Variants in PGPEP1L observed in about 807,000 individuals in gnomAD.
PGPEP1L encodes pyroglutamyl-peptidase I like.
Under a neutral mutation model 6.0 loss-of-function variants are expected in PGPEP1L, and 7 were observed. That is an observed-to-expected ratio of 1.17 (90% confidence interval 0.66 to 2.19). The LOEUF (loss-of-function observed/expected upper bound fraction) is 2.19. PGPEP1L is among the 30% of genes most tolerant of loss of function. The probability of loss-of-function intolerance (pLI) is 0.00; values close to 1 mark genes in which losing one functional copy is unlikely to be tolerated. For synonymous variants in PGPEP1L, 103 were observed against 83.9 expected (o/e 1.23, Z -1.24); for missense variants, 209 against 192.5 (o/e 1.09, Z -0.51).
At chr15:98,992,620 A>G (rs1443315498) in intron 2 of PGPEP1L, among the ~76,000 whole-genome samples, 1 of 152,234 alleles carries the variant, frequency 6.6e-6, no homozygotes, top group African/African-American at 2.4e-5. Flanking sequence ...TGCAACCAAA[A>G]AAGAGCCTGC....
intron 2 of PGPEP1L, among the ~76,000 whole-genome samples, chr15:98,985,263 G>T (rs1166830957): frequency 6.6e-6 from 1 of 152,164 alleles, no homozygotes; most frequent in Non-Finnish European, 1.5e-5. Flanking sequence ...CACTGGCTGG[G>T]CACAGTGGCT....
intron 1 of PGPEP1L, among the ~76,000 whole-genome samples, chr15:99,006,862 GGAA>G (rs2018075483): frequency 6.6e-6 from 1 of 152,220 alleles, no homozygotes; most frequent in East Asian, 1.9e-4. Flanking sequence ...TATATTAAGA[GGAA>G]GAAGACCCAT....
intron 2 of PGPEP1L, among the ~76,000 whole-genome samples, chr15:98,980,759 C>T (rs1009898986): frequency 3.9e-5 from 6 of 152,012 alleles, no homozygotes; most frequent in East Asian, 1.9e-4. Context: ...GAGTGAAACC[C>T]CGTCGCTACT....
chr15:99,003,312 G>A (rs1555473282), intron 2 of PGPEP1L, among the ~76,000 whole-genome samples: 1 of 151,190 alleles, frequency 6.6e-6, no homozygotes, highest in African/African-American at 2.4e-5. Flanking sequence ...AATCATATTT[G>A]TATCAGCAAA....
At position 99,002,438 on chromosome 15, in the gene PGPEP1L, G is replaced by A. The variant is rs1415207896; in HGVS notation, c.-142+2991C>T. On this transcript the variant is annotated intron_variant, in intron 2 of 4. Coordinates refer to ENST00000535714, the MANE Select transcript of PGPEP1L (RefSeq NM_001167902.2). Reference sequence around the variant, plus strand: ...AGCTTTGTGGTGATGGTACTGCTAGGTATCTTGATTGTGGTGGTGGTGATA... The same window carrying A: ...AGCTTTGTGGTGATGGTACTGCTAGATATCTTGATTGTGGTGGTGGTGATA... Among the ~76,000 whole-genome samples the A allele has an allele frequency of 3.9e-5, 6 of 152,270 alleles. No homozygotes were observed. The South Asian group carries it at 6.2e-4, about 16-fold the overall frequency.
At chr15:99,001,484 T>C (rs1555473014) in intron 2 of PGPEP1L, among the ~76,000 whole-genome samples, 2 of 152,168 alleles carry the variant, frequency 1.3e-5, no homozygotes, top group Non-Finnish European at 2.9e-5. Context: ...AAATTGACTG[T>C]AGTGATGAAT....
intron 2 of PGPEP1L, among the ~76,000 whole-genome samples, chr15:98,981,497 AAAAAAAAAAC>A (rs1395207634): frequency 1.4e-5 from 2 of 146,844 alleles, no homozygotes; most frequent in South Asian, 2.1e-4. Flanking sequence ...CTCAAAAAAA[AAAAAAAAAAC>A]AAAAACAAAA....
At chr15:98,983,175 G>GAAT (rs386383985) in intron 2 of PGPEP1L, among the ~76,000 whole-genome samples, 4 of 149,298 alleles carry the variant, frequency 2.7e-5, no homozygotes, top group Admixed American at 6.7e-5. Context: ...AAAAAAAGAA[G>GAAT]AATCAAGAGA....
At chr15:98,986,567 C>A (rs149387430) in intron 2 of PGPEP1L, among the ~76,000 whole-genome samples, 118 of 152,322 alleles carry the variant, frequency 7.7e-4, no homozygotes, top group Non-Finnish European at 1.1e-3. Flanking sequence ...ATAGCACATT[C>A]TTGAGTTCTG....
At position 98,969,447 on chromosome 15, in the gene PGPEP1L, T is replaced by A. The variant is rs556119714; in HGVS notation, c.187A>T (p.Ile63Phe). The A allele has an allele frequency of 8.7e-6, 14 of 1,613,956 alleles. No homozygotes were observed. In the East Asian group the frequency reaches 3.1e-4, roughly 36 times the overall value. The change falls in exon 4 of 5, where the codon ATC (isoleucine) becomes TTC (phenylalanine). Residue 63 changes from isoleucine to phenylalanine, a missense_variant. By Grantham distance (21) the Ile-to-Phe change is conservative (BLOSUM62 0). Coordinates refer to ENST00000535714, the MANE Select transcript of PGPEP1L (RefSeq NM_001167902.2). The part of the protein sequence containing the change: ...KRVAVEGVDV[I>F]FSRDAGRYVC... Reference sequence around the variant, plus strand: ...TACCTGCCTGCATCTCGGGAAAAGATCACGTCGACACCCTCCACAGCTACG... The same window carrying A: ...TACCTGCCTGCATCTCGGGAAAAGAACACGTCGACACCCTCCACAGCTACG...
chr15:98,987,821 C>T (rs946673686), intron 2 of PGPEP1L, among the ~76,000 whole-genome samples: 1 of 152,102 alleles, frequency 6.6e-6, no homozygotes, highest in African/African-American at 2.4e-5. Flanking sequence ...ACAGTGGGTG[C>T]AGCCCACAGA....
intron 2 of PGPEP1L, among the ~76,000 whole-genome samples, chr15:98,999,887 G>A (rs1439037184): frequency 6.6e-6 from 1 of 152,256 alleles, no homozygotes; most frequent in Non-Finnish European, 1.5e-5. Context: ...CAGCATGCTG[G>A]CAGTCCTTGC....
At chr15:99,002,198 G>A (rs572996478) in intron 2 of PGPEP1L, among the ~76,000 whole-genome samples, 4 of 151,932 alleles carry the variant, frequency 2.6e-5, no homozygotes, top group African/African-American at 9.6e-5. Context: ...TTTTTGCCAG[G>A]TTTCCCAGGC....
intron 3 of PGPEP1L, among the ~76,000 whole-genome samples, chr15:98,970,688 C>T (rs147507881): frequency 9.2e-5 from 14 of 152,302 alleles, no homozygotes; most frequent in African/African-American, 3.1e-4. Context: ...CCTTGCCTCA[C>T]GTCCACCTTC....
At chr15:98,982,769 G>A (rs2017686141) in intron 2 of PGPEP1L, among the ~76,000 whole-genome samples, 1 of 137,380 alleles carries the variant, frequency 7.3e-6, no homozygotes. Flanking sequence ...GGAGTGCGGG[G>A]GCATGATCTT....
At chr15:98,982,766 G>A (rs942201269) in intron 2 of PGPEP1L, among the ~76,000 whole-genome samples, 14 of 135,120 alleles carry the variant, frequency 1.0e-4, no homozygotes, top group East Asian at 4.4e-4. Flanking sequence ...GCTGGAGTGC[G>A]GGGGCATGAT....
intron 2 of PGPEP1L, among the ~76,000 whole-genome samples, chr15:98,973,478 A>G (rs141004489): frequency 6.6e-6 from 1 of 152,376 alleles, no homozygotes; most frequent in East Asian, 1.9e-4. Flanking sequence ...ACAAGTAACA[A>G]ATTTTGAAAA....
intron 2 of PGPEP1L, among the ~76,000 whole-genome samples, chr15:98,989,250 G>A (rs1265709786): frequency 6.6e-6 from 1 of 152,180 alleles, no homozygotes; most frequent in Non-Finnish European, 1.5e-5. Flanking sequence ...AAGGTTAGAT[G>A]AATTGCTAAC....
chr15:98,999,476 G>A (rs1480949438), intron 2 of PGPEP1L, among the ~76,000 whole-genome samples: 1 of 152,212 alleles, frequency 6.6e-6, no homozygotes, highest in Non-Finnish European at 1.5e-5. Context: ...CTCACACATT[G>A]CTGGTGGGAA....
Sources: allele counts gnomAD v4.1 joint callset (sites outside exome capture counted in the v4.1 genomes callset), GRCh38; gene constraint gnomAD v4.1.1; transcripts MANE v1.5; gene names NCBI Gene and HGNC (gene_info 2026-07-23, HGNC 2026-07-21).